DYNC2H1: variants seen among roughly 807,000 people sequenced by gnomAD.
DYNC2H1 encodes the protein cytoplasmic dynein 2 heavy chain 1.
DYNC2H1 carries 410 observed loss-of-function variants against 570.0 expected under a neutral mutation model. The ratio of observed to expected loss-of-function variants is 0.72; its 90% confidence interval spans 0.66 to 0.78. The LOEUF (loss-of-function observed/expected upper bound fraction) is 0.78. Among genes scored for constraint, DYNC2H1 ranks in the 30% least tolerant of loss-of-function variants. DYNC2H1 has a pLI of 0.00. For synonymous variants in DYNC2H1, 1,688 were observed against 1,677.6 expected (o/e 1.01, Z -0.15); for missense variants, 4,865 against 5,046.4 (o/e 0.96, Z 1.09).
Position 103,472,475 on chromosome 11 carries a change from A to G in DYNC2H1, c.12765+3770A>G, listed in dbSNP as rs1163775476. Among the ~76,000 whole-genome samples the G allele has an allele frequency of 6.6e-6, 1 of 152,188 alleles. No individual in the cohort carries two copies. The highest frequency in any genetic ancestry group is 2.4e-5 in the African/African-American group (1 of 41,444). ...CTAGCAGTGAGTGGTTGGATAATAGATTGGCACACTGTGAGATACAATTAT... is the reference window on the plus strand; with the variant it reads ...CTAGCAGTGAGTGGTTGGATAATAGGTTGGCACACTGTGAGATACAATTAT... On this transcript the variant is annotated intron_variant, in intron 88 of 88. Coordinates refer to ENST00000375735, the MANE Select transcript of DYNC2H1 (RefSeq NM_001377.3). The surrounding 1 kb of genome is among the most constrained non-coding windows in gnomAD (Gnocchi z 4.1).
At position 103,133,570 on chromosome 11, in the gene DYNC2H1, A is replaced by C. The variant is rs202046447; in HGVS notation, c.1969A>C (p.Ser657Arg). 5 of 1,608,298 alleles carry C rather than the reference A, an allele frequency of 3.1e-6. No homozygotes were observed. In the Admixed American group the frequency reaches 5.1e-5, roughly 16 times the overall value. ...EQIIKNSKAGSGGKSQITWDN... is the reference protein window; with the variant it reads ...EQIIKNSKAGRGGKSQITWDN... ...TGTACCATAGAATTCAAAAGCAGGA[A>C]GTGGAGGGAAATCACAGATAACTTG... The change falls in exon 14 of 89, where the codon AGT becomes CGT. Residue 657 changes from serine (S) to arginine (R), a missense_variant. Ser to Arg is a moderately radical substitution (Grantham distance 110, BLOSUM62 -1). This residue lies in a region of DYNC2H1 where 1,936 missense variants were observed against 1,962.1 expected (regional missense o/e 0.99). Coordinates refer to ENST00000375735, the MANE Select transcript of DYNC2H1 (RefSeq NM_001377.3). This position sits in a 1 kb window ranked among gnomAD's most constrained non-coding sequence, Gnocchi z 4.8.
intron 36 of DYNC2H1, 90 bp from the exon 37 acceptor site, chr11:103,176,145 A>T: frequency 1.1e-6 from 1 of 924,246 alleles, no homozygotes. Context: ...TTTAATGATT[A>T]ATAATGCATA....
At chr11:103,383,478 A>AT (rs35091786) in intron 83 of DYNC2H1, among the ~76,000 whole-genome samples, 44,339 of 82,070 alleles carry the variant, frequency 0.54, 6,769 homozygotes, top group South Asian at 0.6. Flanking sequence ...TTAAATCTTT[A>AT]TTTTTTTTTT....
intron 85 of DYNC2H1, among the ~76,000 whole-genome samples, chr11:103,454,703 ATGAGT>A (rs1271963926): frequency 6.6e-6 from 1 of 152,194 alleles, no homozygotes; most frequent in Admixed American, 6.5e-5. Flanking sequence ...CAAATGGAAT[ATGAGT>A]TGATTATTTA....
chr11:103,214,584 C>T (rs1278999651), intron 54 of DYNC2H1, among the ~76,000 whole-genome samples: 1 of 151,302 alleles, frequency 6.6e-6, no homozygotes, highest in East Asian at 2.0e-4. Flanking sequence ...AGCTGCGATA[C>T]AGGCAGGTGC....
intron 46 of DYNC2H1, 67 bp downstream of exon 46, chr11:103,191,686 T>G: frequency 1.1e-6 from 1 of 873,286 alleles, no homozygotes; most frequent in Non-Finnish European, 1.6e-6. Context: ...TAGATTGTAT[T>G]TGTAATAGAT....
intron 83 of DYNC2H1, among the ~76,000 whole-genome samples, chr11:103,399,460 C>G (rs1942545838): frequency 6.6e-6 from 1 of 151,934 alleles, no homozygotes; most frequent in African/African-American, 2.4e-5. Context: ...CTGGCCCACA[C>G]ACCGCTTTAA....
At chr11:103,351,411 T>C (rs188402827) in intron 82 of DYNC2H1, among the ~76,000 whole-genome samples, 1 of 152,288 alleles carries the variant, frequency 6.6e-6, no homozygotes, top group Admixed American at 6.5e-5. Context: ...GAAGTAGATA[T>C]CTCTTGATAT....
At chr11:103,278,694 G>A (rs374934032) in intron 70 of DYNC2H1, among the ~76,000 whole-genome samples, 1 of 152,286 alleles carries the variant, frequency 6.6e-6, no homozygotes, top group East Asian at 1.9e-4. Flanking sequence ...GGCCTCCTGA[G>A]TAGCTGGAAC....
At position 103,177,839 on chromosome 11, in the gene DYNC2H1, T is replaced by C. The variant is rs762362438; in HGVS notation, c.6139+19T>C. 4 of 1,577,914 alleles carry C rather than the reference T, an allele frequency of 2.5e-6. No individual in the cohort carries two copies. In the South Asian group the frequency reaches 4.9e-5, roughly 19 times the overall value. On this transcript the variant is annotated intron_variant, in intron 38 of 88. Transcript: ENST00000375735. This position sits in a 1 kb window ranked among gnomAD's most constrained non-coding sequence, Gnocchi z 4.4. ...CCTCAAGGTTAGTCTCTATGTATAC[T>C]TCTTTGCTTTACTTAGTAATTCTTA...
intron 82 of DYNC2H1, among the ~76,000 whole-genome samples, chr11:103,333,643 T>G (rs1277397614): frequency 6.6e-6 from 1 of 152,198 alleles, no homozygotes; most frequent in Non-Finnish European, 1.5e-5. Flanking sequence ...CATGCATGGT[T>G]GTGGATATGG....
intron 82 of DYNC2H1, among the ~76,000 whole-genome samples, chr11:103,345,764 C>A (rs953791429): frequency 2.6e-5 from 4 of 152,048 alleles, no homozygotes; most frequent in Non-Finnish European, 5.9e-5. Context: ...ATTACTCTGG[C>A]AGAGTATGTT....
At chr11:103,142,634 A>G (rs893719380) in intron 17 of DYNC2H1, among the ~76,000 whole-genome samples, 1 of 151,950 alleles carries the variant, frequency 6.6e-6, no homozygotes, top group African/African-American at 2.4e-5. Context: ...GCACCACTGT[A>G]CTCCAGGCTG....
In DYNC2H1 at chr11:103,243,338, A is replaced by G. The variant is rs17100189; in HGVS notation, c.9820-355A>G. ...AGAATAATTTGACTGTGTATTATAA[A>G]AGCCAAAAAGAATGCTGCAAATGAC... On this transcript the variant is annotated intron_variant, in intron 63 of 88. Transcript: ENST00000375735. The surrounding 1 kb of genome is among the most constrained non-coding windows in gnomAD (Gnocchi z 4.8). Among the ~76,000 whole-genome samples, 2,276 of 152,262 alleles carry G rather than the reference A, an allele frequency of 0.015. 59 individuals carry two copies. The highest frequency in any genetic ancestry group is 0.051 in the African/African-American group (2,138 of 41,548).
Position 103,116,337 on chromosome 11 carries a change from T to C in DYNC2H1, c.622-233T>C, listed in dbSNP as rs563235923. On this transcript the variant is annotated intron_variant, in intron 4 of 88. Coordinates refer to ENST00000375735, the MANE Select transcript of DYNC2H1 (RefSeq NM_001377.3). Reference sequence around the variant, plus strand: ...AAATTAGGCCAATTGTGTAAATGAATGAGTAGACTTTTTACAATTTTTATA... The same window carrying C: ...AAATTAGGCCAATTGTGTAAATGAACGAGTAGACTTTTTACAATTTTTATA... Among the ~76,000 whole-genome samples the C allele has an allele frequency of 1.1e-4, 16 of 152,280 alleles. No individual in the cohort carries two copies. The South Asian group carries it at 3.3e-3, about 32-fold the overall frequency.
rs188036112 is a variant in DYNC2H1 at position 103,291,393 on chromosome 11, G to C, written c.11095+3788G>C. Among the ~76,000 whole-genome samples the C allele has an allele frequency of 3.9e-5, 6 of 152,078 alleles. No homozygotes were observed. The East Asian group carries it at 1.2e-3, about 29-fold the overall frequency. The stretch of plus-strand genomic sequence containing the variant: ...CGAAGGGTTGCTGTGAGCTGAGATC[G>C]TGTCACTGCACTCCAGCCTGGGCTA... On this transcript the variant is annotated intron_variant, in intron 75 of 88. Transcript: ENST00000375735.
chr11:103,262,424 G>C (rs1266508508), intron 70 of DYNC2H1, among the ~76,000 whole-genome samples: 2 of 152,070 alleles, frequency 1.3e-5, no homozygotes, highest in African/African-American at 4.8e-5. Flanking sequence ...TTGAAATGTA[G>C]GAAAAAATGT....
At chr11:103,123,254 C>T (rs947183034) in intron 11 of DYNC2H1, among the ~76,000 whole-genome samples, 9 of 152,004 alleles carry the variant, frequency 5.9e-5, no homozygotes, top group African/African-American at 2.2e-4. Flanking sequence ...ATTAGTCTTT[C>T]CCCATGTTTT....
chr11:103,173,294 C>A lies in DYNC2H1; in HGVS notation c.5547C>A (p.Phe1849Leu). Residue 1849 changes from phenylalanine to leucine, a missense_variant, in exon 35 of 89, where the codon TTC becomes TTA. This residue lies in a region of DYNC2H1 where 292 missense variants were observed against 300.2 expected (regional missense o/e 0.97). Coordinates refer to ENST00000375735, the MANE Select transcript of DYNC2H1 (RefSeq NM_001377.3). ...TGAGCAGAAAATTGGTAGCTATTTT[C>A]AATCTATCTAGGTGAGTTTTCTTGT... ...KVLSRKLVAI[F>L]NLSRELLTPQ... 2 of 1,570,468 alleles carry A rather than the reference C, an allele frequency of 1.3e-6. No homozygotes were observed. The highest frequency in any genetic ancestry group is 2.4e-5 in the South Asian group (2 of 82,906).
Sources: allele counts gnomAD v4.1 joint callset (sites outside exome capture counted in the v4.1 genomes callset), GRCh38; gene constraint gnomAD v4.1.1; regional missense constraint gnomAD v4.1.1; non-coding constraint Gnocchi (gnomAD v3.1); transcripts MANE v1.5; gene names NCBI Gene and HGNC (gene_info 2026-07-23, HGNC 2026-07-21).